Variants in SYNE2 observed in about 807,000 individuals in gnomAD.
SYNE2 encodes spectrin repeat containing nuclear envelope protein 2.
Under a neutral mutation model 856.3 loss-of-function variants are expected in SYNE2, and 431 were observed. The ratio of observed to expected loss-of-function variants is 0.50; its 90% CI spans 0.47 to 0.55. SYNE2 has a LOEUF of 0.55. SYNE2 is among the 20% of genes least tolerant of loss of function. The probability of loss-of-function intolerance (pLI) is 0.00; values close to 1 mark genes in which losing one functional copy is unlikely to be tolerated. For missense variants in SYNE2, 8,129 were observed against 8,023.2 expected (o/e 1.01, Z -0.50); for synonymous variants, 2,923 against 2,872.3 (o/e 1.02, Z -0.56).
chr14:64,048,305 T>G, intron 46 of SYNE2, 150 bp downstream of exon 46: 1 of 642,054 alleles, frequency 1.6e-6, no homozygotes, highest in Non-Finnish European at 2.6e-6. Context: ...TATAATTATG[T>G]ACTAAGTAAG....
rs1260422403 is a variant in SYNE2 at position 63,974,914 on chromosome 14, A to ATATATATATATATATATATG, written c.1129-1646_1129-1645insATATATATATATATATGTAT. ...TGTGTATATATATATATATATATAT[A>ATATATATATATATATATATG]TATGTATCTTGAGACAGGGTCTCAC... On this transcript the variant is annotated intron_variant, in intron 11 of 115. Coordinates refer to ENST00000555002, the MANE Select transcript of SYNE2 (RefSeq NM_182914.3). 3.5e-5 allele frequency among the ~76,000 whole-genome samples: 3 copies of ATATATATATATATATATATG among 85,526 alleles called. 1 individual carries two copies. Among genetic ancestry groups the ATATATATATATATATATATG allele is most frequent in the African/African-American group, 4.6e-5 (1 of 21,844 alleles). The allele number at this position is 85,526 out of a possible 152,430, so 56.1% of individuals were successfully genotyped here.
At chr14:64,004,191 ATTT>A (rs35011962) in intron 30 of SYNE2, among the ~76,000 whole-genome samples, 7 of 138,310 alleles carry the variant, frequency 5.1e-5, no homozygotes, top group Non-Finnish European at 7.8e-5. Flanking sequence ...TGCCTGGCTA[ATTT>A]TTTTTTTTTT....
At chr14:63,894,401 T>G (rs1251733202) in intron 1 of SYNE2, among the ~76,000 whole-genome samples, 3 of 152,116 alleles carry the variant, frequency 2.0e-5, no homozygotes, top group African/African-American at 7.2e-5. Context: ...CAATTTTTTT[T>G]TCTAGAAATG....
intron 83 of SYNE2, among the ~76,000 whole-genome samples, chr14:64,145,066 A>G (rs1156839169): frequency 6.6e-6 from 1 of 151,488 alleles, no homozygotes; most frequent in African/African-American, 2.4e-5. Context: ...AGCTGATATT[A>G]CACATGCCTG....
chr14:63,932,413 AAG>A (rs1595716590), intron 2 of SYNE2, among the ~76,000 whole-genome samples: 1 of 151,834 alleles, frequency 6.6e-6, no homozygotes, highest in East Asian at 1.9e-4. Context: ...ACAAAAAAGA[AAG>A]GGGACTTTTG....
chr14:64,188,472 C>G, intron 97 of SYNE2, 78 bp from the exon 98 acceptor site: 1 of 1,536,550 alleles, frequency 6.5e-7, no homozygotes, highest in African/African-American at 1.4e-5. Flanking sequence ...ATGAATGAAA[C>G]TCAGTTTTTT....
Position 64,113,388 on chromosome 14 carries a change from G to T in SYNE2, c.12657G>T (p.Ala4219=). The change falls in exon 66 of 116, where the codon GCG becomes GCT. Residue 4219 remains alanine (A), a synonymous_variant. Transcript: ENST00000555002. ...CTGACACTCTGGACTCTTCTGACGC[G>T]CAAGGAGGTTTGGAGCCCAGGGTGG... The part of the protein sequence containing the change: ...IEADTLDSSD[A]QGGLEPRVEK... The T allele has an allele frequency of 1.9e-6, 3 of 1,614,104 alleles. No homozygotes were observed. Among genetic ancestry groups the T allele is most frequent in the Non-Finnish European group, 1.7e-6 (2 of 1,180,036 alleles).
At position 64,168,885 on chromosome 14, in the gene SYNE2, A is replaced by T; in HGVS notation, c.16914A>T (p.Glu5638Asp). The T allele has an allele frequency of 6.2e-7, 1 of 1,613,170 alleles. No individual in the cohort carries two copies. Among genetic ancestry groups the T allele is most frequent in the South Asian group, 1.1e-5 (1 of 91,074 alleles). The stretch of plus-strand genomic sequence containing the variant: ...CTTGGACTCATATACAGATGTTAGA[A>T]GCTGAAGTTTCTATAAACCAGACAA... ...LEQQKTYKML[E>D]AEVSINQTIA... The change falls in exon 93 of 116, where the codon GAA (glutamate) becomes GAT (aspartate). Residue 5638 changes from glutamate (E) to aspartate (D), a missense_variant. Glu to Asp is a conservative substitution (Grantham distance 45, BLOSUM62 2). Coordinates refer to ENST00000555002, the MANE Select transcript of SYNE2 (RefSeq NM_182914.3).
chr14:63,943,038 T>C (rs2095948441), intron 6 of SYNE2, among the ~76,000 whole-genome samples: 1 of 152,266 alleles, frequency 6.6e-6, no homozygotes, highest in Non-Finnish European at 1.5e-5. Flanking sequence ...AAATGTTTGC[T>C]TCTTATTGTT....
At chr14:64,071,759 G>A (rs2097410082) in intron 52 of SYNE2, among the ~76,000 whole-genome samples, 1 of 151,490 alleles carries the variant, frequency 6.6e-6, no homozygotes, top group African/African-American at 2.4e-5. Flanking sequence ...GCTCACGCCT[G>A]TAATCCCAGC....
Position 64,224,417 on chromosome 14 carries a change from A to G in SYNE2, c.20383-44A>G, listed in dbSNP as rs36215573. On this transcript the variant is annotated intron_variant, in intron 113 of 115. Transcript: ENST00000555002. ...GTGAGCTATATCATGAAGAATATGC[A>G]TGAAACACATTTCTGTGCTCAACCT... is the stretch of plus-strand genomic sequence containing the variant. 8.4e-3 allele frequency: 13,126 copies of G among 1,569,198 alleles called. 455 individuals carry two copies. Among genetic ancestry groups the G allele is most frequent in the South Asian group, 0.019 (1,740 of 90,248 alleles).
intron 73 of SYNE2, among the ~76,000 whole-genome samples, 192 bp from the exon 74 acceptor site, chr14:64,128,260 G>A (rs1216847810): frequency 6.6e-6 from 1 of 152,114 alleles, no homozygotes; most frequent in Non-Finnish European, 1.5e-5. Context: ...GCTGGAGGGA[G>A]GATGTAGAGG....
intron 6 of SYNE2, among the ~76,000 whole-genome samples, chr14:63,948,141 G>A (rs1314901733): frequency 7.5e-5 from 10 of 134,062 alleles, no homozygotes; most frequent in East Asian, 6.7e-4. Flanking sequence ...GTGCGTGCGC[G>A]CACATACACA....
At chr14:64,141,644 T>A in intron 81 of SYNE2, 121 bp downstream of exon 81, 2 of 1,109,642 alleles carry the variant, frequency 1.8e-6, no homozygotes, top group Non-Finnish European at 2.6e-6. Flanking sequence ...CTGGCACCAC[T>A]GAATATAAGT....
chr14:63,889,046 CAAAAA>C (rs200729691), intron 1 of SYNE2, among the ~76,000 whole-genome samples: 1 of 108,642 alleles, frequency 9.2e-6, no homozygotes, highest in African/African-American at 3.5e-5. Flanking sequence ...TACTAAAATA[CAAAAA>C]AAAAAAAAAA....
At chr14:64,215,557 C>T (rs183551897) in intron 107 of SYNE2, 17 of 638,200 alleles carry the variant, frequency 2.7e-5, no homozygotes, top group Admixed American at 7.4e-5. Context: ...AGAGCCGTCT[C>T]GATGCCAACC....
intron 2 of SYNE2, among the ~76,000 whole-genome samples, chr14:63,910,341 T>G (rs2095458496): frequency 1.3e-5 from 2 of 152,226 alleles, no homozygotes; most frequent in Admixed American, 1.3e-4. Flanking sequence ...TGCTTCTATA[T>G]TTTGAGCTGA....
intron 78 of SYNE2, among the ~76,000 whole-genome samples, chr14:64,136,389 G>A (rs938796330): frequency 8.7e-5 from 13 of 148,902 alleles, no homozygotes; most frequent in African/African-American, 3.2e-4. Flanking sequence ...AAATTAGACT[G>A]ATTTTTTTTT....
intron 1 of SYNE2, among the ~76,000 whole-genome samples, chr14:63,883,862 A>ATTTTTTTTTTTTTTT (rs34392423): frequency 7.7e-6 from 1 of 130,514 alleles, no homozygotes; most frequent in Non-Finnish European, 1.6e-5. Context: ...AAGCTGGTGA[A>ATTTTTTTTTTTTTTT]TTTTTTTTTT....
Sources: allele counts gnomAD v4.1 joint callset (sites outside exome capture counted in the v4.1 genomes callset), GRCh38; gene constraint gnomAD v4.1.1; transcripts MANE v1.5; gene names NCBI Gene and HGNC (gene_info 2026-07-23, HGNC 2026-07-21).